TMEM150C: variants seen among roughly 807,000 people sequenced by gnomAD.
TMEM150C encodes the protein transmembrane protein 150C.
In TMEM150C, 10 loss-of-function variants were observed where a neutral mutation model predicts 29.9. That is an observed-to-expected ratio of 0.33 (90% confidence interval 0.21 to 0.57). TMEM150C has a LOEUF of 0.57. TMEM150C is among the 20% of genes least tolerant of loss of function. TMEM150C has a pLI of 0.88. For synonymous variants in TMEM150C, 101 were observed against 112.5 expected (o/e 0.90, Z 0.64); for missense variants, 251 against 303.6 (o/e 0.83, Z 1.29).
rs1028744907 is a variant in TMEM150C at position 82,526,187 on chromosome 4, G to A, written c.-10-21520C>T. ...CCCAAAGTGCTGGGATCATAGGTGT[G>A]AGCCACTGCTCTCACCCAAGATAAA... On this transcript the variant is annotated intron_variant, in intron 1 of 7. Transcript: ENST00000449862. Among the ~76,000 whole-genome samples, 3 of 152,242 alleles carry A rather than the reference G, an allele frequency of 2.0e-5. No homozygotes were observed. In the South Asian group the frequency reaches 6.2e-4, roughly 31 times the overall value.
intron 6 of TMEM150C, chr4:82,495,578 A>G: frequency 2.8e-6 from 1 of 351,476 alleles, no homozygotes; most frequent in South Asian, 2.7e-5. Flanking sequence ...ATTGGCATCC[A>G]CAGTGCAACC....
At chr4:82,487,752 T>C (rs1723208916) in intron 7 of TMEM150C, among the ~76,000 whole-genome samples, 1 of 152,136 alleles carries the variant, frequency 6.6e-6, no homozygotes, top group Non-Finnish European at 1.5e-5. Flanking sequence ...AAAAAATAAA[T>C]AGTCCAAATA....
At chr4:82,557,374 G>T (rs1456022215) in intron 1 of TMEM150C, among the ~76,000 whole-genome samples, 2 of 152,128 alleles carry the variant, frequency 1.3e-5, no homozygotes, top group African/African-American at 4.8e-5. Flanking sequence ...GGAGCCAGGG[G>T]TACCCATTTG....
At chr4:82,499,510 T>C (rs1723660268) in intron 5 of TMEM150C, among the ~76,000 whole-genome samples, 1 of 151,754 alleles carries the variant, frequency 6.6e-6, no homozygotes, top group African/African-American at 2.4e-5. Flanking sequence ...TCACCTGAGG[T>C]CAAGAGTTCG....
intron 1 of TMEM150C, among the ~76,000 whole-genome samples, chr4:82,548,966 C>G (rs1725474163): frequency 6.6e-6 from 1 of 152,132 alleles, no homozygotes; most frequent in African/African-American, 2.4e-5. Context: ...GTGCCCCATC[C>G]TGGGGGTAAT....
chr4:82,486,738 G>T (rs567632520), intron 7 of TMEM150C, among the ~76,000 whole-genome samples: 1 of 151,982 alleles, frequency 6.6e-6, no homozygotes, highest in South Asian at 2.1e-4. Context: ...TGACGGCAAG[G>T]CCCCATCATT....
At chr4:82,558,976 C>T (rs962732273) in intron 1 of TMEM150C, among the ~76,000 whole-genome samples, 1 of 152,092 alleles carries the variant, frequency 6.6e-6, no homozygotes, top group Admixed American at 6.5e-5. Context: ...TTGTAATCTC[C>T]CCCACCCTTA....
At chr4:82,500,982 A>G (rs1723719541) in intron 5 of TMEM150C, among the ~76,000 whole-genome samples, 1 of 152,218 alleles carries the variant, frequency 6.6e-6, no homozygotes, top group African/African-American at 2.4e-5. Flanking sequence ...CCCCTGTGGG[A>G]AGAGCATACG....
At chr4:82,522,886 C>T (rs950372378) in intron 1 of TMEM150C, among the ~76,000 whole-genome samples, 1 of 152,112 alleles carries the variant, frequency 6.6e-6, no homozygotes, top group Non-Finnish European at 1.5e-5. Context: ...TCAGATGTCA[C>T]CTGGGGGATG....
In TMEM150C at chr4:82,485,574, C is replaced by G. The variant is rs1411670747; in HGVS notation, c.687G>C (p.Glu229Asp). ...GGCTTTCTGAGAAGCTTAGGAAATT[C>G]TCCTGGTACTCAGAGCAAACAATCT... Reference protein sequence around the residue: ...RYEIVCSEYQENFLSFSESLS... With the variant: ...RYEIVCSEYQDNFLSFSESLS... The change falls in exon 8 of 8, where the codon GAG becomes GAC. Residue 229 changes from glutamate (E) to aspartate (D), a missense_variant. Transcript: ENST00000449862. 2 of 1,610,826 alleles carry G rather than the reference C, an allele frequency of 1.2e-6. No individual in the cohort carries two copies. The highest frequency in any genetic ancestry group is 1.7e-6 in the Non-Finnish European group (2 of 1,178,630).
rs200394549 is a variant in TMEM150C, at chr4:82,483,795, TC to T, written c.*1715del. The T allele has an allele frequency of 0.061, 8,640 of 141,280 alleles. 672 individuals are homozygous for T. Among genetic ancestry groups the T allele is most frequent in the Admixed American group, 0.21 (2,925 of 14,102 alleles). The allele number at this position is 141,280 out of a possible 1,614,324, so 8.8% of individuals were successfully genotyped here. The stretch of plus-strand genomic sequence containing the variant: ...GAATTAAAAAACGTTTTTCTTTTTT[TC>T]TTTTTTTTTTGAGATGGAGTTTTTA... On this transcript the variant is annotated 3_prime_UTR_variant, in exon 8 of 8. Transcript: ENST00000449862.
chr4:82,554,386 C>T (rs1424041001), intron 1 of TMEM150C, among the ~76,000 whole-genome samples: 1 of 152,106 alleles, frequency 6.6e-6, no homozygotes, highest in African/African-American at 2.4e-5. Flanking sequence ...GATTGCATTA[C>T]AATGGTATCA....
intron 1 of TMEM150C, among the ~76,000 whole-genome samples, chr4:82,536,257 C>G (rs1313697798): frequency 6.7e-6 from 1 of 150,212 alleles, no homozygotes; most frequent in East Asian, 2.0e-4. Flanking sequence ...ACTCAGCAGG[C>G]TGAGGCAGGA....
chr4:82,554,805 TA>T (rs1725689945), intron 1 of TMEM150C, among the ~76,000 whole-genome samples: 1 of 152,230 alleles, frequency 6.6e-6, no homozygotes, highest in Non-Finnish European at 1.5e-5. Context: ...TACACCTGTC[TA>T]AAAGTATTAC....
intron 1 of TMEM150C, among the ~76,000 whole-genome samples, chr4:82,533,003 C>T (rs1039308588): frequency 6.6e-6 from 1 of 152,180 alleles, no homozygotes; most frequent in Admixed American, 6.5e-5. Flanking sequence ...GCTAGGATTA[C>T]AGGTGTGAGC....
rs1387230018 is a variant in TMEM150C at position 82,503,073 on chromosome 4, T to C, written c.120A>G (p.Leu40=). ...ATAAACTTTACCTTTCAGCTGAATT[T>C]AATGGTAAAATTTTGTCATCTTCCA... The part of the protein sequence containing the change: ...IAVEDDKILP[L]NSAERKPGVK... Residue 40 remains leucine, a synonymous_variant, in exon 3 of 8, where the codon TTA becomes TTG. Transcript: ENST00000449862. 6.2e-7 allele frequency: 1 copy of C among 1,612,770 alleles called. No individual in the cohort carries two copies.
At chr4:82,518,381 T>C (rs1724366184) in intron 1 of TMEM150C, among the ~76,000 whole-genome samples, 1 of 151,878 alleles carries the variant, frequency 6.6e-6, no homozygotes, top group Non-Finnish European at 1.5e-5. Flanking sequence ...CTCTGGCCAG[T>C]GTGCCCCTCA....
intron 5 of TMEM150C, among the ~76,000 whole-genome samples, chr4:82,501,212 C>T (rs565266675): frequency 2.6e-5 from 4 of 152,298 alleles, no homozygotes; most frequent in South Asian, 4.1e-4. Context: ...AAAAGGAGCA[C>T]GTATAAAGCT....
At chr4:82,524,577 T>C (rs554445527) in intron 1 of TMEM150C, among the ~76,000 whole-genome samples, 1 of 152,324 alleles carries the variant, frequency 6.6e-6, no homozygotes, top group African/African-American at 2.4e-5. Flanking sequence ...ATATAACCAC[T>C]GAAAAAGGAG....
Sources: allele counts gnomAD v4.1 joint callset (sites outside exome capture counted in the v4.1 genomes callset), GRCh38; gene constraint gnomAD v4.1.1; transcripts MANE v1.5; gene names NCBI Gene and HGNC (gene_info 2026-07-23, HGNC 2026-07-21).